MYO6: variants seen among roughly 807,000 people sequenced by gnomAD.
MYO6 encodes myosin VI.
A neutral mutation model predicts 178.7 loss-of-function variants in MYO6; 74 were observed. That is an observed-to-expected ratio of 0.41 (90% CI 0.34 to 0.50). The LOEUF (loss-of-function observed/expected upper bound fraction) is 0.50, where lower values mean the gene tolerates loss of function less well. Among genes scored for constraint, MYO6 ranks in the 20% least tolerant of loss-of-function variants. The pLI is 0.09. For synonymous variants in MYO6, 477 were observed against 504.6 expected, an observed-to-expected ratio of 0.95 and a Z score of 0.73; for missense variants, 1,330 against 1,547.4, an observed-to-expected ratio of 0.86 and a Z score of 2.36.
intron 7 of MYO6, among the ~76,000 whole-genome samples, chr6:75,839,852 A>C (rs1774039847): frequency 6.6e-6 from 1 of 152,050 alleles, no homozygotes; most frequent in African/African-American, 2.4e-5. Flanking sequence ...GTTTTAGAAA[A>C]GTAAGTCAAA....
intron 1 of MYO6, among the ~76,000 whole-genome samples, chr6:75,770,094 TTC>T (rs929589809): frequency 6.6e-6 from 1 of 152,154 alleles, no homozygotes; most frequent in Non-Finnish European, 1.5e-5. Flanking sequence ...CCTAGTAGAT[TTC>T]TCTGTTAGGG....
chr6:75,909,736 T>G (rs987382013), intron 32 of MYO6, among the ~76,000 whole-genome samples: 11 of 152,216 alleles, frequency 7.2e-5, no homozygotes, highest in African/African-American at 2.4e-4. Context: ...GACAGCAGAT[T>G]CAATATTTTG....
intron 1 of MYO6, among the ~76,000 whole-genome samples, chr6:75,755,643 C>T (rs746012967): frequency 6.6e-6 from 1 of 152,120 alleles, no homozygotes; most frequent in Non-Finnish European, 1.5e-5. Context: ...TTACTTTGTG[C>T]ATTGGTAGTG....
intron 1 of MYO6, among the ~76,000 whole-genome samples, chr6:75,790,866 A>G (rs1228830557): frequency 6.6e-6 from 1 of 152,182 alleles, no homozygotes; most frequent in Admixed American, 6.6e-5. Flanking sequence ...AACAGATGTA[A>G]TTATGCAGAT....
chr6:75,842,811 C>G (rs1019272133), intron 9 of MYO6, among the ~76,000 whole-genome samples: 1 of 152,136 alleles, frequency 6.6e-6, no homozygotes, highest in Non-Finnish European at 1.5e-5. Flanking sequence ...TGGCCTTAAT[C>G]TAGCATTTCT....
At chr6:75,800,329 A>T (rs969039194) in intron 1 of MYO6, among the ~76,000 whole-genome samples, 1 of 152,170 alleles carries the variant, frequency 6.6e-6, no homozygotes, top group Non-Finnish European at 1.5e-5. Flanking sequence ...AGGACCTGGG[A>T]GCTGCCGAGA....
At chr6:75,854,870 A>G (rs1246405117) in intron 11 of MYO6, among the ~76,000 whole-genome samples, 2 of 152,192 alleles carry the variant, frequency 1.3e-5, no homozygotes, top group Non-Finnish European at 2.9e-5. Context: ...GTTTGCTTAT[A>G]GGGTCAAAAA....
At chr6:75,785,473 C>CTTTTTTTT in intron 1 of MYO6, among the ~76,000 whole-genome samples, 1 of 126,542 alleles carries the variant, frequency 7.9e-6, no homozygotes, top group Non-Finnish European at 1.6e-5. Flanking sequence ...CTTTTCTTTT[C>CTTTTTTTT]TTTTTTTTTT....
At chr6:75,849,120 C>T (rs567739962) in intron 11 of MYO6, among the ~76,000 whole-genome samples, 1 of 152,126 alleles carries the variant, frequency 6.6e-6, no homozygotes, top group Non-Finnish European at 1.5e-5. Context: ...CAGGGAATGG[C>T]AAACTATGAA....
chr6:75,894,270 T>G (rs1451270178), intron 28 of MYO6, among the ~76,000 whole-genome samples: 1 of 152,368 alleles, frequency 6.6e-6, no homozygotes, highest in African/African-American at 2.4e-5. Context: ...GTGGATCGTT[T>G]AGGACCTTTA....
chr6:75,902,363 T>A (rs2149398444), intron 30 of MYO6, among the ~76,000 whole-genome samples: 1 of 152,314 alleles, frequency 6.6e-6, no homozygotes, highest in South Asian at 2.1e-4. Flanking sequence ...CCTGAACTCT[T>A]TTTGGTTGGT....
chr6:75,776,452 T>C (rs867087146), intron 1 of MYO6, among the ~76,000 whole-genome samples: 1 of 152,210 alleles, frequency 6.6e-6, no homozygotes, highest in African/African-American at 2.4e-5. Context: ...CTGTTTACAT[T>C]GTGTTCATTT....
In MYO6 at chr6:75,824,101, G is replaced by A. The variant is rs1290161822; in HGVS notation, c.187+1250G>A. ...AACTTGCTAGGGTGTGCAGAACTGG[G>A]AATCAATCCTTTTCATTTATTAATG... On this transcript the variant is annotated intron_variant, in intron 3 of 34. Transcript: ENST00000369977. 3.3e-5 allele frequency among the ~76,000 whole-genome samples: 5 copies of A among 152,260 alleles called. No homozygotes were observed. In the East Asian group the frequency reaches 7.7e-4, roughly 23 times the overall value.
intron 6 of MYO6, among the ~76,000 whole-genome samples, 198 bp downstream of exon 6, chr6:75,833,145 C>G (rs531810344): frequency 6.6e-6 from 1 of 152,290 alleles, no homozygotes; most frequent in East Asian, 1.9e-4. Context: ...TGCCACCATG[C>G]CCTGCTAATC....
chr6:75,914,224 T>C lies in MYO6; in HGVS notation c.3601T>C (p.Trp1201Arg), dbSNP rs541074107. ...GTGGTATGCCCATTTTGATGGACCA[T>C]GGATTGCCCGGCAAATGGAACTCCA... ...GWWYAHFDGP[W>R]IARQMELHPD... Residue 1201 changes from tryptophan to arginine, a missense_variant, in exon 34 of 35, where the codon TGG becomes CGG. Coordinates refer to ENST00000369977, the MANE Select transcript of MYO6 (RefSeq NM_004999.4). 6.2e-7 allele frequency: 1 copy of C among 1,614,174 alleles called. No homozygotes were observed. The highest frequency in any genetic ancestry group is 1.3e-5 in the African/African-American group (1 of 75,052).
At chr6:75,838,974 C>A (rs969595256) in intron 7 of MYO6, among the ~76,000 whole-genome samples, 1 of 150,816 alleles carries the variant, frequency 6.6e-6, no homozygotes, top group Non-Finnish European at 1.5e-5. Context: ...ATGTTGGCTT[C>A]AGTTTTTTTA....
chr6:75,864,468 A>G (rs552651709), intron 16 of MYO6, among the ~76,000 whole-genome samples: 3 of 152,356 alleles, frequency 2.0e-5, no homozygotes, highest in African/African-American at 7.2e-5. Flanking sequence ...ATAAAACAAT[A>G]TGTATCCTCA....
intron 30 of MYO6, among the ~76,000 whole-genome samples, chr6:75,906,973 T>A (rs891702760): frequency 6.6e-6 from 1 of 152,230 alleles, no homozygotes; most frequent in African/African-American, 2.4e-5. Flanking sequence ...AGTGTTCTTA[T>A]AGCAGTGAAG....
At position 75,917,370 on chromosome 6, in the gene MYO6, A is replaced by G. The variant is rs543107259; in HGVS notation, c.*2358A>G. 2 of 152,704 alleles carry G rather than the reference A, an allele frequency of 1.3e-5. No individual in the cohort carries two copies. The highest frequency in any genetic ancestry group is 2.9e-5 in the Non-Finnish European group (2 of 68,048). The allele number at this position is 152,704 out of a possible 1,614,324, so 9.5% of individuals were successfully genotyped here. A position where few individuals can be genotyped will look rare whatever the true frequency, so the allele number is the denominator to read the frequency against. Reference sequence around the variant, plus strand: ...AGGCAGCATGCATAAAATATTTAAAATGAGAGGACAGAATGTTTTCACATT... The same window carrying G: ...AGGCAGCATGCATAAAATATTTAAAGTGAGAGGACAGAATGTTTTCACATT... On this transcript the variant is annotated 3_prime_UTR_variant, in exon 35 of 35. Transcript: ENST00000369977.
Sources: allele counts gnomAD v4.1 joint callset (sites outside exome capture counted in the v4.1 genomes callset), GRCh38; gene constraint gnomAD v4.1.1; transcripts MANE v1.5; gene names NCBI Gene and HGNC (gene_info 2026-07-23, HGNC 2026-07-21).